CDH23: variants seen among roughly 807,000 people sequenced by gnomAD.
CDH23 encodes the protein cadherin-23.
A neutral mutation model predicts 317.1 loss-of-function variants in CDH23; 189 were observed. That is an observed-to-expected ratio of 0.60 (90% CI 0.53 to 0.67). The LOEUF is 0.67. Ranked by LOEUF, CDH23 falls within the 30% of genes least tolerant of loss-of-function variation. The pLI is 0.00. For missense variants in CDH23, 4,401 were observed against 4,592.4 expected, an observed-to-expected ratio of 0.96 and a Z score of 1.20; for synonymous variants, 1,839 against 1,876.8, an observed-to-expected ratio of 0.98 and a Z score of 0.52.
intron 3 of CDH23, among the ~76,000 whole-genome samples, chr10:71,491,903 T>G (rs1167841471): frequency 1.3e-5 from 2 of 152,126 alleles, no homozygotes; most frequent in Non-Finnish European, 2.9e-5. Flanking sequence ...GAGGCGAGCC[T>G]TCCCCACTCG....
intron 14 of CDH23, among the ~76,000 whole-genome samples, chr10:71,668,746 G>A (rs1291343953): frequency 2.6e-5 from 4 of 152,186 alleles, no homozygotes; most frequent in African/African-American, 9.7e-5. Context: ...AGAAAGACTG[G>A]CATTGCTGAC....
rs549415355 is a variant in CDH23, at chr10:71,583,216, C to T, written c.832+5224C>T. 1.5e-4 allele frequency among the ~76,000 whole-genome samples: 17 copies of T among 116,780 alleles called. No individual in the cohort carries two copies. The South Asian group carries it at 2.4e-3, about 17-fold the overall frequency. The allele number at this position is 116,780 out of a possible 152,430, so 76.6% of individuals were successfully genotyped here. A position where few individuals can be genotyped will look rare whatever the true frequency, so the allele number is the denominator to read the frequency against. ...CATTCATGCATCTGCAGTAGCTCAG[C>T]GTGGCCGGGCAGAGTGCACAGGGGA... is the stretch of plus-strand genomic sequence containing the variant. On this transcript the variant is annotated intron_variant, in intron 9 of 69. Coordinates refer to ENST00000224721, the MANE Select transcript of CDH23 (RefSeq NM_022124.6).
At chr10:71,573,377 T>C (rs902900720) in intron 8 of CDH23, among the ~76,000 whole-genome samples, 44 of 152,228 alleles carry the variant, frequency 2.9e-4, no homozygotes, top group African/African-American at 1.0e-3. Context: ...CCTGCAGATT[T>C]CTGAGCTGTC....
intron 3 of CDH23, among the ~76,000 whole-genome samples, chr10:71,472,999 C>T (rs985907776): frequency 6.6e-6 from 1 of 152,156 alleles, no homozygotes; most frequent in Non-Finnish European, 1.5e-5. Flanking sequence ...TGTTACTTCC[C>T]CTCATTACCC....
intron 3 of CDH23, among the ~76,000 whole-genome samples, chr10:71,498,266 C>T (rs1429855251): frequency 6.6e-6 from 1 of 152,156 alleles, no homozygotes; most frequent in Non-Finnish European, 1.5e-5. Context: ...TCTAAGGCTG[C>T]CTTGCTCCCA....
Position 71,577,384 on chromosome 10 carries a change from C to T in CDH23, c.754-530C>T, listed in dbSNP as rs535243377. Among the ~76,000 whole-genome samples the T allele has an allele frequency of 5.3e-5, 8 of 152,016 alleles. No individual in the cohort carries two copies. The South Asian group carries it at 1.7e-3, about 32-fold the overall frequency. ...GGGCCATGGCGGCCTCCTGAGTTGCCACCGTCATCCCCCGAGATACCTGCT... is the reference window on the plus strand; with the variant it reads ...GGGCCATGGCGGCCTCCTGAGTTGCTACCGTCATCCCCCGAGATACCTGCT... On this transcript the variant is annotated intron_variant, in intron 8 of 69. Transcript: ENST00000224721.
At chr10:71,553,603 A>G (rs1856719296) in intron 6 of CDH23, among the ~76,000 whole-genome samples, 1 of 152,206 alleles carries the variant, frequency 6.6e-6, no homozygotes, top group Admixed American at 6.5e-5. Flanking sequence ...TCCGAGGGGC[A>G]GGGGAGGAGA....
intron 50 of CDH23, 69 bp downstream of exon 50, chr10:71,798,647 AC>A: frequency 8.0e-7 from 1 of 1,249,514 alleles, no homozygotes; most frequent in Non-Finnish European, 1.1e-6. Flanking sequence ...CCCAAGAGAG[AC>A]CACAGCCCCT....
At chr10:71,550,572 A>G (rs1250636419) in intron 6 of CDH23, among the ~76,000 whole-genome samples, 1 of 113,290 alleles carries the variant, frequency 8.8e-6, no homozygotes, top group Non-Finnish European at 1.8e-5. Context: ...AAAAAAAAAA[A>G]AAAAAGAAAA....
Position 71,736,523 on chromosome 10 carries a change from T to C in CDH23, c.4209+1865T>C, listed in dbSNP as rs962109651. Among the ~76,000 whole-genome samples the C allele has an allele frequency of 7.9e-5, 12 of 152,070 alleles. No individual in the cohort carries two copies. The East Asian group carries it at 9.7e-4, about 12-fold the overall frequency. The stretch of plus-strand genomic sequence containing the variant: ...TGAGTAAGTTCAGGCCTTCAGGGGG[T>C]AGGGGAGGGCAATGTGGATTGTGAG... On this transcript the variant is annotated intron_variant, in intron 34 of 69. Coordinates refer to ENST00000224721, the MANE Select transcript of CDH23 (RefSeq NM_022124.6).
At chr10:71,598,186 G>A (rs997451012) in intron 9 of CDH23, among the ~76,000 whole-genome samples, 1 of 152,232 alleles carries the variant, frequency 6.6e-6, no homozygotes, top group Non-Finnish European at 1.5e-5. Context: ...TTGGGGTTTA[G>A]TGCTGGGAGG....
Position 71,741,112 on chromosome 10 carries a change from C to G in CDH23, c.4617+162C>G, listed in dbSNP as rs145450755. 8.2e-4 allele frequency among the ~76,000 whole-genome samples: 125 copies of G among 152,284 alleles called. 1 individual carries two copies. The highest frequency in any genetic ancestry group is 3.0e-3 in the African/African-American group (124 of 41,560). ...CGTAGTGATAGCCCTAACGCCTAGC[C>G]TGGATCCTAGAATGCAGTATCTTTT... On this transcript the variant is annotated intron_variant, in intron 37 of 69. Transcript: ENST00000224721.
In CDH23 at chr10:71,815,312, C is replaced by A; in HGVS notation, c.*34C>A. 1 of 1,510,550 alleles carries A rather than the reference C, an allele frequency of 6.6e-7. No homozygotes were observed. The highest frequency in any genetic ancestry group is 8.9e-7 in the Non-Finnish European group (1 of 1,123,424). 93.6% of individuals were successfully genotyped at this position (1,510,550 alleles called of 1,614,324 possible). On this transcript the variant is annotated 3_prime_UTR_variant, in exon 70 of 70. Transcript: ENST00000224721. ...GGAAGCCTTGTGGGTGTGAGCAGCA[C>A]CCATCCACCGTCCCCTCCCAGGGAG...
At chr10:71,742,638 G>A (rs1300274749) in intron 38 of CDH23, among the ~76,000 whole-genome samples, 10 of 152,188 alleles carry the variant, frequency 6.6e-5, no homozygotes, top group Admixed American at 4.6e-4. Flanking sequence ...TCAGCATATC[G>A]CTTTTGTCAT....
intron 44 of CDH23, among the ~76,000 whole-genome samples, chr10:71,787,913 G>A (rs1841147520): frequency 6.6e-6 from 1 of 152,240 alleles, no homozygotes; most frequent in African/African-American, 2.4e-5. Context: ...CAGTAGAGGG[G>A]TATTGTGGGA....
chr10:71,722,885 G>A (rs1275866994), intron 28 of CDH23, among the ~76,000 whole-genome samples: 1 of 152,176 alleles, frequency 6.6e-6, no homozygotes, highest in Non-Finnish European at 1.5e-5. Context: ...GTGGGAAGTG[G>A]GGCCCAGGGA....
chr10:71,592,803 G>C (rs1045336234), intron 9 of CDH23, among the ~76,000 whole-genome samples: 1 of 152,122 alleles, frequency 6.6e-6, no homozygotes, highest in Non-Finnish European at 1.5e-5. Context: ...CATAGCATCC[G>C]TGCCCTCTCT....
chr10:71,751,964 C>A lies in CDH23; in HGVS notation c.4845+10043C>A. 2 of 1,228,754 alleles carry A rather than the reference C, an allele frequency of 1.6e-6. No individual in the cohort carries two copies. Among genetic ancestry groups the A allele is most frequent in the South Asian group, 1.4e-5 (1 of 73,634 alleles). 76.1% of individuals were successfully genotyped at this position (1,228,754 alleles called of 1,614,324 possible). A position where few individuals can be genotyped will look rare whatever the true frequency, so the allele number is the denominator to read the frequency against. On this transcript the variant is annotated intron_variant, in intron 38 of 69. Transcript: ENST00000224721. This position sits in a 1 kb window ranked among gnomAD's most constrained non-coding sequence, Gnocchi z 4.9. ...CTCCTCCCTTTCTCTCACCTACATC[C>A]CCATCCCCAAGCCTCAGCAGCATCT... is the stretch of plus-strand genomic sequence containing the variant.
intron 14 of CDH23, among the ~76,000 whole-genome samples, chr10:71,657,255 G>C (rs1394509343): frequency 6.6e-6 from 1 of 152,244 alleles, no homozygotes; most frequent in Non-Finnish European, 1.5e-5. Context: ...GCCGGTGACT[G>C]AAGGGCTCTG....
Sources: gnomAD v4.1 joint callset for allele counts (sites outside exome capture counted in the v4.1 genomes callset) on GRCh38, gnomAD v4.1.1 for gene constraint, Gnocchi (gnomAD v3.1) non-coding constraint, MANE v1.5 for transcripts, NCBI Gene and HGNC (gene_info 2026-07-23, HGNC 2026-07-21) for gene names.